Variants in NAXD observed in about 807,000 individuals in gnomAD.
The protein encoded by NAXD is NAD(P)HX dehydratase.
NAXD carries 22 observed loss-of-function variants against 35.8 expected under a neutral mutation model. That is an observed-to-expected ratio of 0.62 (90% CI 0.44 to 0.88). The LOEUF (loss-of-function observed/expected upper bound fraction) is 0.88. Among genes scored for constraint, NAXD ranks in the 40% least tolerant of loss-of-function variants. The probability of loss-of-function intolerance (pLI) is 0.00; values close to 1 mark genes in which losing one functional copy is unlikely to be tolerated. For synonymous variants in NAXD, 189 were observed against 177.6 expected (o/e 1.06, Z -0.51); for missense variants, 428 against 437.7 (o/e 0.98, Z 0.20).
chr13:110,636,410 G>A (rs116597223), intron 8 of NAXD, among the ~76,000 whole-genome samples: 2,169 of 152,132 alleles, frequency 0.014, 63 homozygotes, highest in African/African-American at 0.05. Flanking sequence ...TCACAGCCTC[G>A]CACGCCCTTG....
chr13:110,629,569 G>T (rs560782733), intron 5 of NAXD, among the ~76,000 whole-genome samples: 1 of 152,160 alleles, frequency 6.6e-6, no homozygotes, highest in East Asian at 1.9e-4. Flanking sequence ...ATTATGCAAC[G>T]TGTGCTATTT....
Position 110,626,153 on chromosome 13 carries a change from G to T in NAXD, c.332+875G>T, listed in dbSNP as rs568359551. On this transcript the variant is annotated intron_variant, in intron 4 of 9. Transcript: ENST00000680254. ...TCTGGCCCTGAGTAAGCAGGGCAGG[G>T]CCAGTGTGGGTCATAAAGGCTCCTA... Among the ~76,000 whole-genome samples the T allele has an allele frequency of 1.8e-3, 279 of 151,840 alleles. 2 individuals carry two copies. Among genetic ancestry groups the T allele is most frequent in the African/African-American group, 6.4e-3 (263 of 41,200 alleles).
At chr13:110,626,278 A>G (rs1780022134) in intron 4 of NAXD, among the ~76,000 whole-genome samples, 1 of 151,978 alleles carries the variant, frequency 6.6e-6, no homozygotes, top group Non-Finnish European at 1.5e-5. Context: ...ATGTTTGGAA[A>G]GTTTGGGGGT....
intron 5 of NAXD, among the ~76,000 whole-genome samples, chr13:110,629,407 A>G (rs530321436): frequency 1.3e-5 from 2 of 152,342 alleles, no homozygotes; most frequent in East Asian, 3.9e-4. Context: ...ACCATGATCA[A>G]CCTTAGAATA....
intron 1 of NAXD, among the ~76,000 whole-genome samples, chr13:110,620,889 C>G (rs1371399802): frequency 1.3e-5 from 2 of 152,170 alleles, no homozygotes; most frequent in Non-Finnish European, 2.9e-5. Flanking sequence ...TTTATATTTG[C>G]AAAGATCCTT....
chr13:110,619,130 C>T (rs748978098), intron 1 of NAXD, among the ~76,000 whole-genome samples: 53 of 152,298 alleles, frequency 3.5e-4, no homozygotes, highest in Non-Finnish European at 4.9e-4. Context: ...AGATCCTTTC[C>T]GGTAATGTAT....
chr13:110,634,874 G>GAC (rs3832897), intron 7 of NAXD, 98 bp downstream of exon 7: 25,160 of 862,832 alleles, frequency 0.029, 714 homozygotes, highest in East Asian at 0.11. Flanking sequence ...TGTCCCTGTG[G>GAC]ACACACCTGC....
intron 1 of NAXD, chr13:110,615,881 G>A: frequency 2.1e-6 from 2 of 959,962 alleles, no homozygotes; most frequent in Non-Finnish European, 2.7e-6. Flanking sequence ...GCGGAGTAGG[G>A]AGAGGACGGA....
At chr13:110,633,114 G>C (rs1018544714) in intron 5 of NAXD, among the ~76,000 whole-genome samples, 17 of 152,168 alleles carry the variant, frequency 1.1e-4, no homozygotes, top group African/African-American at 4.1e-4. Context: ...GGCCGCACAG[G>C]AGCCCATGGA....
chr13:110,624,106 T>G, intron 2 of NAXD, 128 bp from the exon 3 acceptor site: 1 of 610,210 alleles, frequency 1.6e-6, no homozygotes, highest in Non-Finnish European at 2.9e-6. Flanking sequence ...GTGCTTCATG[T>G]CTCTGTTATT....
chr13:110,628,883 T>G lies in NAXD; in HGVS notation c.441+1336T>G, dbSNP rs1886600428. 6.6e-6 allele frequency among the ~76,000 whole-genome samples: 1 copy of G among 151,870 alleles called. No homozygotes were observed. The highest frequency in any genetic ancestry group is 1.5e-5 in the Non-Finnish European group (1 of 68,038). The stretch of plus-strand genomic sequence containing the variant: ...GCCAGAGTGCTCTGCTTCAGGTTAT[T>G]TTCTTTGTGAATTTAAGTTCACAAT... On this transcript the variant is annotated intron_variant, in intron 5 of 9. Coordinates refer to ENST00000680254, the MANE Select transcript of NAXD (RefSeq NM_001242882.2). This position sits in a 1 kb window ranked among gnomAD's most constrained non-coding sequence, Gnocchi z 4.1.
rs1168728315 is a variant in NAXD at position 110,622,429 on chromosome 13, ACTGT to A, written c.197+65_197+68del. ...CAGTTGCTGGCTGGCTGCTTACCTGACTGTCATTCACGCTGTCTAGTTTGACCTC... is the reference window on the plus strand; with the variant it reads ...CAGTTGCTGGCTGGCTGCTTACCTGACATTCACGCTGTCTAGTTTGACCTC... On this transcript the variant is annotated intron_variant, in intron 2 of 9. Transcript: ENST00000680254. 3 of 1,532,978 alleles carry A rather than the reference ACTGT, an allele frequency of 2.0e-6. No homozygotes were observed. In the African/African-American group the frequency reaches 4.1e-5, roughly 21 times the overall value. The allele number at this position is 1,532,978 out of a possible 1,614,324, so 95.0% of individuals were successfully genotyped here.
intron 5 of NAXD, among the ~76,000 whole-genome samples, chr13:110,633,248 ACAC>A (rs1211159639): frequency 1.3e-5 from 2 of 152,054 alleles, no homozygotes. Flanking sequence ...AGGACCCAGT[ACAC>A]CCTCTGCAGC....
At chr13:110,621,302 T>A (rs1214494194) in intron 1 of NAXD, among the ~76,000 whole-genome samples, 1 of 152,246 alleles carries the variant, frequency 6.6e-6, no homozygotes, top group East Asian at 1.9e-4. Flanking sequence ...AAGTGATAGT[T>A]TATTAAGTAA....
chr13:110,621,490 G>GTT (rs781586796), intron 1 of NAXD, among the ~76,000 whole-genome samples: 14 of 152,120 alleles, frequency 9.2e-5, no homozygotes, highest in Non-Finnish European at 1.9e-4. Flanking sequence ...GAGGTAAGGA[G>GTT]TTGGAGACCA....
chr13:110,636,666 C>T (rs183546842), intron 8 of NAXD, among the ~76,000 whole-genome samples: 45 of 152,366 alleles, frequency 3.0e-4, no homozygotes, highest in Non-Finnish European at 5.0e-4. Flanking sequence ...CACAGGCATA[C>T]GTGACGTTAT....
chr13:110,635,341 T>A, intron 7 of NAXD, 127 bp from the exon 8 acceptor site: 1 of 1,143,052 alleles, frequency 8.7e-7, no homozygotes, highest in Non-Finnish European at 1.3e-6. Flanking sequence ...ACATGGCCTT[T>A]AACAGGTGCC....
intron 3 of NAXD, among the ~76,000 whole-genome samples, chr13:110,624,682 G>C (rs1192895688): frequency 6.6e-6 from 1 of 152,158 alleles, no homozygotes; most frequent in Admixed American, 6.5e-5. Flanking sequence ...GGCTGGTCTC[G>C]AACTCCTGAC....
chr13:110,631,079 G>A (rs117171616), intron 5 of NAXD, among the ~76,000 whole-genome samples: 1 of 152,154 alleles, frequency 6.6e-6, no homozygotes, highest in African/African-American at 2.4e-5. Flanking sequence ...ATCAGTTGGG[G>A]GAATGTCTAA....
Sources: gnomAD v4.1 joint callset for allele counts (sites outside exome capture counted in the v4.1 genomes callset) on GRCh38, gnomAD v4.1.1 for gene constraint, Gnocchi (gnomAD v3.1) non-coding constraint, MANE v1.5 for transcripts, NCBI Gene and HGNC (gene_info 2026-07-23, HGNC 2026-07-21) for gene names.